Variants in MVB12B observed in about 807,000 individuals in gnomAD.
MVB12B encodes ESCRT-I complex subunit MVB12B.
In MVB12B, 16 loss-of-function variants were observed where a neutral mutation model predicts 41.6. The observed-to-expected ratio is 0.38, with a 90% CI of 0.26 to 0.58. MVB12B has a LOEUF of 0.58. Among genes scored for constraint, MVB12B ranks in the 20% least tolerant of loss-of-function variants. The probability of loss-of-function intolerance (pLI) is 0.62; values close to 1 mark genes in which losing one functional copy is unlikely to be tolerated. For missense variants in MVB12B, 274 were observed against 380.2 expected (o/e 0.72, Z 2.32); for synonymous variants, 133 against 139.7 (o/e 0.95, Z 0.34).
intron 7 of MVB12B, among the ~76,000 whole-genome samples, chr9:126,424,401 T>G (rs962335032): frequency 6.6e-6 from 1 of 152,136 alleles, no homozygotes; most frequent in East Asian, 1.9e-4. Flanking sequence ...GTGCTCATGA[T>G]GTGGTCATGG....
rs1833373202 is a variant in MVB12B, at chr9:126,473,917, CT to C, written c.758-7451del. ...GTAAGCACGGATTCCCTTTCCTTTTCTATTTTGTAGAACTGGGCTTGGGGAG... is the reference window on the plus strand; with the variant it reads ...GTAAGCACGGATTCCCTTTCCTTTTCATTTTGTAGAACTGGGCTTGGGGAG... On this transcript the variant is annotated intron_variant, in intron 7 of 9. Coordinates refer to ENST00000361171, the MANE Select transcript of MVB12B (RefSeq NM_033446.3). This position sits in a 1 kb window ranked among gnomAD's most constrained non-coding sequence, Gnocchi z 4.0. Among the ~76,000 whole-genome samples, 1 of 152,208 alleles carries C rather than the reference CT, an allele frequency of 6.6e-6. No homozygotes were observed. The highest frequency in any genetic ancestry group is 2.4e-5 in the African/African-American group (1 of 41,450).
At chr9:126,442,653 C>G (rs931414725) in intron 7 of MVB12B, among the ~76,000 whole-genome samples, 5 of 152,122 alleles carry the variant, frequency 3.3e-5, no homozygotes, top group Non-Finnish European at 5.9e-5. Flanking sequence ...TGTGTCTTTG[C>G]ACTCTGGGAC....
chr9:126,405,125 C>T (rs569861255), intron 6 of MVB12B, among the ~76,000 whole-genome samples: 2 of 152,040 alleles, frequency 1.3e-5, no homozygotes, highest in Non-Finnish European at 2.9e-5. Flanking sequence ...CCTTGGCGTT[C>T]GCAGTCTCAT....
rs1448721179 is a variant in MVB12B at position 126,340,098 on chromosome 9, C to G, written c.82-410C>G. Among the ~76,000 whole-genome samples, 1 of 152,088 alleles carries G rather than the reference C, an allele frequency of 6.6e-6. No individual in the cohort carries two copies. The highest frequency in any genetic ancestry group is 2.4e-5 in the African/African-American group (1 of 41,386). ...TTGGCTGTGGGTTTGGAAGTCTAGG[C>G]CTCCGTAGGAGAGATTGCAAGGGAG... On this transcript the variant is annotated intron_variant, in intron 1 of 9. Coordinates refer to ENST00000361171, the MANE Select transcript of MVB12B (RefSeq NM_033446.3). This position sits in a 1 kb window ranked among gnomAD's most constrained non-coding sequence, Gnocchi z 4.0.
At chr9:126,356,647 T>C (rs1402046804) in intron 2 of MVB12B, among the ~76,000 whole-genome samples, 3 of 152,134 alleles carry the variant, frequency 2.0e-5, no homozygotes, top group African/African-American at 4.8e-5. Flanking sequence ...GTATCTCATG[T>C]TGAAATGTAA....
chr9:126,501,946 C>A (rs1449758885), intron 9 of MVB12B, among the ~76,000 whole-genome samples: 1 of 152,048 alleles, frequency 6.6e-6, no homozygotes, highest in Non-Finnish European at 1.5e-5. Flanking sequence ...GGCGATGTGA[C>A]CCCTGCCGTG....
intron 2 of MVB12B, among the ~76,000 whole-genome samples, chr9:126,355,125 A>G (rs1231777356): frequency 3.9e-5 from 6 of 152,194 alleles, no homozygotes; most frequent in Non-Finnish European, 8.8e-5. Flanking sequence ...CTCGTTTCCT[A>G]TCCCACAGAT....
chr9:126,403,270 T>C (rs1041165028), intron 6 of MVB12B, among the ~76,000 whole-genome samples: 5 of 152,220 alleles, frequency 3.3e-5, no homozygotes, highest in African/African-American at 1.2e-4. Context: ...ACACCATTCT[T>C]ATTCCAAAAG....
In MVB12B at chr9:126,473,835, GTGGTAATGTTGAGGC is replaced by G. The variant is rs1436499555; in HGVS notation, c.758-7532_758-7518del. On this transcript the variant is annotated intron_variant, in intron 7 of 9. Coordinates refer to ENST00000361171, the MANE Select transcript of MVB12B (RefSeq NM_033446.3). The surrounding 1 kb of genome is among the most constrained non-coding windows in gnomAD (Gnocchi z 4.0). Reference sequence around the variant, plus strand: ...GGGACACAGATTCAAGCCACGTTAAGTGGTAATGTTGAGGCTTGAGTTATTTGATGCCTGTTCACC... The same window carrying G: ...GGGACACAGATTCAAGCCACGTTAAGTTGAGTTATTTGATGCCTGTTCACC... 6.6e-6 allele frequency among the ~76,000 whole-genome samples: 1 copy of G among 152,242 alleles called. No individual in the cohort carries two copies. Among genetic ancestry groups the G allele is most frequent in the East Asian group, 1.9e-4 (1 of 5,200 alleles).
chr9:126,411,958 A>G (rs978546788), intron 6 of MVB12B, among the ~76,000 whole-genome samples: 1 of 152,200 alleles, frequency 6.6e-6, no homozygotes, highest in African/African-American at 2.4e-5. Flanking sequence ...AGTGTTAGTC[A>G]GGCCCTTCCA....
Position 126,389,147 on chromosome 9 carries a change from C to T in MVB12B, c.409+2489C>T, listed in dbSNP as rs190355122. Reference sequence around the variant, plus strand: ...CACAGGTTGCTGTCCCAAGTGTGGACTCTGAGATCGGTCCTGGGCCCAATG... The same window carrying T: ...CACAGGTTGCTGTCCCAAGTGTGGATTCTGAGATCGGTCCTGGGCCCAATG... On this transcript the variant is annotated intron_variant, in intron 4 of 9. Transcript: ENST00000361171. This position sits in a 1 kb window ranked among gnomAD's most constrained non-coding sequence, Gnocchi z 4.4. 1.3e-5 allele frequency among the ~76,000 whole-genome samples: 2 copies of T among 152,318 alleles called. No individual in the cohort carries two copies. Among genetic ancestry groups the T allele is most frequent in the East Asian group, 3.9e-4 (2 of 5,176 alleles).
Position 126,376,646 on chromosome 9 carries a change from G to T in MVB12B, c.205-4418G>T. 1 of 1,289,096 alleles carries T rather than the reference G, an allele frequency of 7.8e-7. No homozygotes were observed. Among genetic ancestry groups the T allele is most frequent in the South Asian group, 1.2e-5 (1 of 81,028 alleles). The allele number at this position is 1,289,096 out of a possible 1,614,324, so 79.9% of individuals were successfully genotyped here. On this transcript the variant is annotated intron_variant, in intron 2 of 9. Transcript: ENST00000361171. The surrounding 1 kb of genome is among the most constrained non-coding windows in gnomAD (Gnocchi z 4.1). ...GAAGGAGGGTAAGCGCGGGTGGCAG[G>T]GAGGGGCCTGCCATTGCCATTCAGT...
intron 9 of MVB12B, 58 bp downstream of exon 9, chr9:126,484,090 G>A (rs897785394): frequency 2.0e-5 from 31 of 1,521,356 alleles, no homozygotes; most frequent in East Asian, 4.5e-5. Flanking sequence ...GCACACCGGC[G>A]TCTCTCGTGT....
chr9:126,452,260 G>C (rs1237210424), intron 7 of MVB12B, among the ~76,000 whole-genome samples: 1 of 152,226 alleles, frequency 6.6e-6, no homozygotes, highest in African/African-American at 2.4e-5. Context: ...TCACGTGGAG[G>C]CCATTCAGCC....
At position 126,392,930 on chromosome 9, in the gene MVB12B, G is replaced by C. The variant is rs1278399813; in HGVS notation, c.539+735G>C. Among the ~76,000 whole-genome samples, 1 of 152,232 alleles carries C rather than the reference G, an allele frequency of 6.6e-6. No homozygotes were observed. Among genetic ancestry groups the C allele is most frequent in the Non-Finnish European group, 1.5e-5 (1 of 68,046 alleles). Reference sequence around the variant, plus strand: ...GCAGGACCTCCTAGGACATGGCCTGGAGTTTATTCCAAGCACGCTAGAAAG... The same window carrying C: ...GCAGGACCTCCTAGGACATGGCCTGCAGTTTATTCCAAGCACGCTAGAAAG... On this transcript the variant is annotated intron_variant, in intron 5 of 9. Coordinates refer to ENST00000361171, the MANE Select transcript of MVB12B (RefSeq NM_033446.3). This position sits in a 1 kb window ranked among gnomAD's most constrained non-coding sequence, Gnocchi z 4.8.
chr9:126,465,660 C>A (rs1833185445), intron 7 of MVB12B, among the ~76,000 whole-genome samples: 1 of 129,536 alleles, frequency 7.7e-6, no homozygotes, highest in Admixed American at 9.5e-5. Flanking sequence ...GAGTGGCCTC[C>A]AGATTGGTGG....
rs530248449 is a variant in MVB12B, at chr9:126,448,502, T to C, written c.757+26554T>C. On this transcript the variant is annotated intron_variant, in intron 7 of 9. Coordinates refer to ENST00000361171, the MANE Select transcript of MVB12B (RefSeq NM_033446.3). ...GCCTTGTGTTTGGCCGTTTTGTGTTTCTATAAAGAAATACCTGAGACTGGG... is the reference window on the plus strand; with the variant it reads ...GCCTTGTGTTTGGCCGTTTTGTGTTCCTATAAAGAAATACCTGAGACTGGG... 2.0e-5 allele frequency: 3 copies of C among 152,380 alleles called. No homozygotes were observed. The South Asian group carries it at 6.2e-4, about 32-fold the overall frequency. 9.4% of individuals were successfully genotyped at this position (152,380 alleles called of 1,614,324 possible). A position where few individuals can be genotyped will look rare whatever the true frequency, so the allele number is the denominator to read the frequency against.
rs1050565281 is a variant in MVB12B at position 126,345,079 on chromosome 9, C to A, written c.204+4449C>A. Among the ~76,000 whole-genome samples the A allele has an allele frequency of 5.9e-5, 9 of 152,156 alleles. No individual in the cohort carries two copies. The East Asian group carries it at 1.7e-3, about 29-fold the overall frequency. ...AGACCAAACTTACTTTTAGTGAGAC[C>A]TTTCTGGGACTTTGGGGATAATGGG... On this transcript the variant is annotated intron_variant, in intron 2 of 9. Coordinates refer to ENST00000361171, the MANE Select transcript of MVB12B (RefSeq NM_033446.3).
intron 9 of MVB12B, among the ~76,000 whole-genome samples, chr9:126,488,698 A>G (rs1202995182): frequency 3.3e-5 from 5 of 152,162 alleles, no homozygotes; most frequent in Non-Finnish European, 4.4e-5. Context: ...CATCTACTGA[A>G]GAGTGGTCCC....
Sources: gnomAD v4.1 joint callset for allele counts (sites outside exome capture counted in the v4.1 genomes callset) on GRCh38, gnomAD v4.1.1 for gene constraint, Gnocchi (gnomAD v3.1) non-coding constraint, MANE v1.5 for transcripts, NCBI Gene and HGNC (gene_info 2026-07-23, HGNC 2026-07-21) for gene names.